Variants in GSDME observed in about 807,000 individuals in gnomAD.
GSDME encodes the protein gasdermin E, also known as gasdermin-E.
GSDME carries 44 observed loss-of-function variants against 47.5 expected under a neutral mutation model. The ratio of observed to expected loss-of-function variants is 0.93; its 90% confidence interval spans 0.73 to 1.19. The LOEUF is 1.19. Among genes scored for constraint, GSDME ranks in the 50% most tolerant of loss-of-function variants. GSDME has a pLI of 0.00. For missense variants in GSDME, 663 were observed against 604.2 expected (o/e 1.10, Z -1.02); for synonymous variants, 258 against 252.8 (o/e 1.02, Z -0.20).
At chr7:24,773,529 G>C in the GSDME span, among the ~76,000 whole-genome samples, 1 of 151,914 alleles carries the variant, frequency 6.6e-6, no homozygotes, top group East Asian at 1.9e-4. The surrounding 1 kb of genome is among the most constrained non-coding windows in gnomAD (Gnocchi z 5.4). Context: ...TCTTATTTTT[G>C]TATGTTTTAT....
the GSDME span, among the ~76,000 whole-genome samples, chr7:24,791,795 C>A: frequency 2.0e-4 from 30 of 152,200 alleles, no homozygotes; most frequent in African/African-American, 6.3e-4. This position sits in a 1 kb window ranked among gnomAD's most constrained non-coding sequence, Gnocchi z 4.8. Context: ...CAAGGGCTGA[C>A]TTATTGATAA....
chr7:24,790,606 G>A, the GSDME span, among the ~76,000 whole-genome samples: 1 of 152,172 alleles, frequency 6.6e-6, no homozygotes, highest in Non-Finnish European at 1.5e-5. The surrounding 1 kb of genome is among the most constrained non-coding windows in gnomAD (Gnocchi z 4.1). Context: ...GACTCCAGGT[G>A]GGTCCACACG....
chr7:24,758,269 G>C (rs1057082593), upstream of GSDME, among the ~76,000 whole-genome samples: 5 of 152,262 alleles, frequency 3.3e-5, no homozygotes, highest in Non-Finnish European at 5.9e-5. This position sits in a 1 kb window ranked among gnomAD's most constrained non-coding sequence, Gnocchi z 4.6. Context: ...GCGCCCCGCA[G>C]AAGGCTGCAT....
chr7:24,704,728 T>A (rs967944259), intron 8 of GSDME: 2 of 152,132 alleles, frequency 1.3e-5, no homozygotes, highest in African/African-American at 4.8e-5. Context: ...CAGAGATTTT[T>A]TTTTTTTTCC....
At chr7:24,710,144 G>A in intron 6 of GSDME, 80 bp downstream of exon 6, 1 of 1,476,960 alleles carries the variant, frequency 6.8e-7, no homozygotes, top group South Asian at 1.1e-5. Flanking sequence ...GGTCACTGAT[G>A]CTGAAGGCCA....
chr7:24,730,716 G>A (rs1329942053), intron 3 of GSDME, among the ~76,000 whole-genome samples: 3 of 152,206 alleles, frequency 2.0e-5, no homozygotes, highest in African/African-American at 7.2e-5. Flanking sequence ...TTGGGAGGCT[G>A]AGGCGGGAGA....
rs375626045 is a variant in GSDME at position 24,744,847 on chromosome 7, C to T, written c.212-93G>A. The T allele has an allele frequency of 2.5e-5, 35 of 1,399,488 alleles. No homozygotes were observed. Among genetic ancestry groups the T allele is most frequent in the South Asian group, 1.2e-4 (10 of 82,174 alleles). The allele number at this position is 1,399,488 out of a possible 1,614,324, so 86.7% of individuals were successfully genotyped here. On this transcript the variant is annotated intron_variant, in intron 2 of 9. Transcript: ENST00000645220. The surrounding 1 kb of genome is among the most constrained non-coding windows in gnomAD (Gnocchi z 4.5). The stretch of plus-strand genomic sequence containing the variant: ...AGCTTTCCAAGCCTGTGCAGAGCCC[C>T]GGAAAGCAGAAGGCTGGCACTCAGA...
chr7:24,728,004 C>A lies in GSDME; in HGVS notation c.405-8786G>T, dbSNP rs1042983388. Among the ~76,000 whole-genome samples, 2 of 152,148 alleles carry A rather than the reference C, an allele frequency of 1.3e-5. No homozygotes were observed. Among genetic ancestry groups the A allele is most frequent in the East Asian group, 3.8e-4 (2 of 5,202 alleles). On this transcript the variant is annotated intron_variant, in intron 3 of 9. Transcript: ENST00000645220. This position sits in a 1 kb window ranked among gnomAD's most constrained non-coding sequence, Gnocchi z 7.2. Reference sequence around the variant, plus strand: ...ACTAGCTGCCGTCCCCAGCACTGTTCGGGAGCTAGGGGGGCTGTAACGGGA... The same window carrying A: ...ACTAGCTGCCGTCCCCAGCACTGTTAGGGAGCTAGGGGGGCTGTAACGGGA...
the GSDME span, among the ~76,000 whole-genome samples, chr7:24,788,804 A>G: frequency 6.6e-6 from 1 of 152,212 alleles, no homozygotes; most frequent in Non-Finnish European, 1.5e-5. The surrounding 1 kb of genome is among the most constrained non-coding windows in gnomAD (Gnocchi z 4.6). Context: ...TTTAGTGCCC[A>G]TAACACATTA....
chr7:24,708,766 A>G (rs1789227383), intron 6 of GSDME, among the ~76,000 whole-genome samples: 1 of 152,234 alleles, frequency 6.6e-6, no homozygotes, highest in African/African-American at 2.4e-5. Flanking sequence ...TTTCATGGCA[A>G]GCACAGCTAT....
the GSDME span, among the ~76,000 whole-genome samples, chr7:24,783,617 G>C: frequency 6.6e-6 from 1 of 152,146 alleles, no homozygotes; most frequent in East Asian, 1.9e-4. Flanking sequence ...CCTGATTTTA[G>C]AAAAATCACT....
the GSDME span, among the ~76,000 whole-genome samples, chr7:24,766,628 T>G: frequency 3.3e-5 from 5 of 152,230 alleles, no homozygotes; most frequent in Non-Finnish European, 4.4e-5. The surrounding 1 kb of genome is among the most constrained non-coding windows in gnomAD (Gnocchi z 4.2). Context: ...ACAAAGGACA[T>G]GAACTCACCC....
chr7:24,715,022 T>C (rs1208272197), intron 5 of GSDME, among the ~76,000 whole-genome samples: 1 of 152,228 alleles, frequency 6.6e-6, no homozygotes, highest in African/African-American at 2.4e-5. Flanking sequence ...GGAATACTTT[T>C]TGGCCATGAA....
At chr7:24,780,922 C>T in the GSDME span, among the ~76,000 whole-genome samples, 1 of 152,268 alleles carries the variant, frequency 6.6e-6, no homozygotes, top group Non-Finnish European at 1.5e-5. This position sits in a 1 kb window ranked among gnomAD's most constrained non-coding sequence, Gnocchi z 4.1. Flanking sequence ...CTCAGAAGGC[C>T]TAACTCACCC....
intron 5 of GSDME, chr7:24,710,591 G>C: frequency 1.7e-6 from 1 of 587,092 alleles, no homozygotes; most frequent in Non-Finnish European, 3.0e-6. Context: ...CAACAAATAA[G>C]GAAATGGCTG....
chr7:24,698,882 G>A lies in GSDME; in HGVS notation c.*144C>T, dbSNP rs763318789. 2.8e-6 allele frequency: 2 copies of A among 720,320 alleles called. No individual in the cohort carries two copies. Among genetic ancestry groups the A allele is most frequent in the East Asian group, 5.4e-5 (2 of 37,180 alleles). 44.6% of individuals were successfully genotyped at this position (720,320 alleles called of 1,614,324 possible). Reference sequence around the variant, plus strand: ...AGAGTACCTGGTGGCTAAAAGTCAGGTCATTCATCATGCAAAATGTCACCA... The same window carrying A: ...AGAGTACCTGGTGGCTAAAAGTCAGATCATTCATCATGCAAAATGTCACCA... On this transcript the variant is annotated 3_prime_UTR_variant, in exon 10 of 10. Coordinates refer to ENST00000645220, the MANE Select transcript of GSDME (RefSeq NM_001127453.2).
intron 3 of GSDME, among the ~76,000 whole-genome samples, chr7:24,738,030 G>T (rs1790364304): frequency 6.6e-6 from 1 of 152,118 alleles, no homozygotes; most frequent in Non-Finnish European, 1.5e-5. Context: ...TACTGAAATG[G>T]AGAAAAACTG....
rs1385224336 is a variant in GSDME at position 24,744,672 on chromosome 7, C to T, written c.294G>A (p.Lys98=). The T allele has an allele frequency of 1.2e-6, 2 of 1,614,074 alleles. No individual in the cohort carries two copies. The highest frequency in any genetic ancestry group is 1.7e-6 in the Non-Finnish European group (2 of 1,180,038). ...VSGTLETALG[K]VKLNLGGSSR... ...TGCTGCCCCCCAGGTTCAGCTTGACCTTCCCCAGTGCAGTCTCCAGGGTTC... is the reference window on the plus strand; with the variant it reads ...TGCTGCCCCCCAGGTTCAGCTTGACTTTCCCCAGTGCAGTCTCCAGGGTTC... The change falls in exon 3 of 10, where the codon AAG becomes AAA. Residue 98 remains lysine, a synonymous_variant. Coordinates refer to ENST00000645220, the MANE Select transcript of GSDME (RefSeq NM_001127453.2). The surrounding 1 kb of genome is among the most constrained non-coding windows in gnomAD (Gnocchi z 4.5).
intron 3 of GSDME, among the ~76,000 whole-genome samples, chr7:24,740,834 T>A (rs934618099): frequency 5.3e-5 from 8 of 152,300 alleles, no homozygotes; most frequent in African/African-American, 1.9e-4. Context: ...AAAAATGTAA[T>A]CTGCTTTACC....
Sources: gnomAD v4.1 joint callset for allele counts (sites outside exome capture counted in the v4.1 genomes callset) on GRCh38, gnomAD v4.1.1 for gene constraint, Gnocchi (gnomAD v3.1) non-coding constraint, MANE v1.5 for transcripts, NCBI Gene and HGNC (gene_info 2026-07-23, HGNC 2026-07-21) for gene names.